The following RHOH variants were observed in gnomAD, a reference collection of about 807,000 sequenced individuals.
The protein encoded by RHOH is ras homolog family member H.
RHOH carries 6 observed loss-of-function variants against 13.8 expected under a neutral mutation model. The ratio of observed to expected loss-of-function variants is 0.44; its 90% CI spans 0.24 to 0.86. RHOH has a LOEUF of 0.86. RHOH is among the 40% of genes least tolerant of loss of function. The probability of loss-of-function intolerance (pLI) is 0.24; values close to 1 mark genes in which losing one functional copy is unlikely to be tolerated. For synonymous variants in RHOH, 117 were observed against 103.0 expected (o/e 1.14, Z -0.82); for missense variants, 147 against 244.5 (o/e 0.60, Z 2.66).
intron 1 of RHOH, among the ~76,000 whole-genome samples, chr4:40,221,977 TGGTCTGGGTAGAA>T (rs2109457781): frequency 6.6e-6 from 1 of 152,330 alleles, no homozygotes; most frequent in African/African-American, 2.4e-5. Flanking sequence ...AAAGCTTTAG[TGGTCTGGGTAGAA>T]GATCAAACCA....
chr4:40,198,258 A>T (rs958758305), intron 1 of RHOH, among the ~76,000 whole-genome samples: 1 of 152,182 alleles, frequency 6.6e-6, no homozygotes, highest in Admixed American at 6.5e-5. Flanking sequence ...GAGAAGGGGC[A>T]GGTGATTTCA....
At chr4:40,194,418 G>A (rs1722916933), upstream of RHOH, among the ~76,000 whole-genome samples, 3 of 152,010 alleles carry the variant, frequency 2.0e-5, no homozygotes, top group African/African-American at 4.8e-5. Flanking sequence ...TAGAAGAGAC[G>A]GGGTTTCACC....
chr4:40,237,064 T>G (rs1475308670), intron 1 of RHOH, among the ~76,000 whole-genome samples: 1 of 152,196 alleles, frequency 6.6e-6, no homozygotes, highest in Non-Finnish European at 1.5e-5. Flanking sequence ...TAGTGAAAAC[T>G]AGTAAGGTTT....
chr4:40,242,175 C>T (rs1729332909), intron 1 of RHOH, among the ~76,000 whole-genome samples: 1 of 152,216 alleles, frequency 6.6e-6, no homozygotes, highest in Admixed American at 6.5e-5. Context: ...GAGCTCATTG[C>T]CTGGGGCTTT....
intron 1 of RHOH, among the ~76,000 whole-genome samples, chr4:40,242,157 C>T (rs184691373): frequency 2.8e-3 from 419 of 152,334 alleles, no homozygotes; most frequent in Non-Finnish European, 4.5e-3. Flanking sequence ...GACACTGTCT[C>T]CAAGGCGGAG....
intron 1 of RHOH, among the ~76,000 whole-genome samples, chr4:40,204,762 G>A (rs1463560521): frequency 6.6e-6 from 1 of 152,232 alleles, no homozygotes; most frequent in Non-Finnish European, 1.5e-5. Flanking sequence ...GGATACAGGT[G>A]TAGTTTTATA....
In RHOH at chr4:40,209,103, A is replaced by C. The variant is rs554381786; in HGVS notation, c.-331+11803A>C. 3.2e-3 allele frequency among the ~76,000 whole-genome samples: 490 copies of C among 152,282 alleles called. 2 individuals are homozygous for C. Among genetic ancestry groups the C allele is most frequent in the African/African-American group, 0.011 (463 of 41,578 alleles). On this transcript the variant is annotated intron_variant, in intron 1 of 2. Coordinates refer to ENST00000381799, the MANE Select transcript of RHOH (RefSeq NM_004310.5). ...TCAGTTTTTGGTGTGAGGTTAATAAAGAAATTAGTTAAAATGATTCTGACA... is the reference window on the plus strand; with the variant it reads ...TCAGTTTTTGGTGTGAGGTTAATAACGAAATTAGTTAAAATGATTCTGACA...
chr4:40,223,764 CTTGTT>C, intron 1 of RHOH, among the ~76,000 whole-genome samples: 2 of 122,436 alleles, frequency 1.6e-5, no homozygotes, highest in South Asian at 2.5e-4. Flanking sequence ...GTAAACATAA[CTTGTT>C]TTTTTTTTTT....
upstream of RHOH, among the ~76,000 whole-genome samples, chr4:40,194,434 G>A (rs1386978878): frequency 6.6e-6 from 1 of 152,090 alleles, no homozygotes; most frequent in East Asian, 1.9e-4. Flanking sequence ...TCACCATGTT[G>A]GCCAGGCTGG....
At chr4:40,208,006 G>A (rs1396508973) in intron 1 of RHOH, among the ~76,000 whole-genome samples, 1 of 150,694 alleles carries the variant, frequency 6.6e-6, no homozygotes, top group African/African-American at 2.5e-5. Flanking sequence ...AAAACTAGAT[G>A]GTACAATTGT....
intron 1 of RHOH, chr4:40,200,661 A>G (rs764696257): frequency 2.0e-5 from 3 of 152,210 alleles, no homozygotes; most frequent in Non-Finnish European, 4.4e-5. Flanking sequence ...TTTTGAGTTC[A>G]TTCCTTGAGA....
At chr4:40,237,184 G>T (rs1728685352) in intron 1 of RHOH, among the ~76,000 whole-genome samples, 1 of 152,176 alleles carries the variant, frequency 6.6e-6, no homozygotes, top group Admixed American at 6.5e-5. Context: ...CGGGTAAGGT[G>T]GCTCACGCCT....
intron 1 of RHOH, among the ~76,000 whole-genome samples, chr4:40,227,149 T>G (rs1363164481): frequency 6.7e-6 from 1 of 148,726 alleles, no homozygotes; most frequent in Non-Finnish European, 1.5e-5. Context: ...AGTGAGACTC[T>G]GAAAACAAGC....
intron 1 of RHOH, among the ~76,000 whole-genome samples, chr4:40,197,957 A>G (rs1723427306): frequency 1.3e-5 from 2 of 152,224 alleles, no homozygotes; most frequent in South Asian, 2.1e-4. Flanking sequence ...GAAAGTTGCC[A>G]TTGACGTATT....
intron 1 of RHOH, among the ~76,000 whole-genome samples, chr4:40,212,211 T>C (rs16995627): frequency 0.04 from 6,144 of 152,286 alleles, 261 homozygotes; most frequent in African/African-American, 0.1. Flanking sequence ...TTATGATCAA[T>C]ATTATGAACC....
At chr4:40,227,903 T>C (rs1251326055) in intron 1 of RHOH, among the ~76,000 whole-genome samples, 3 of 152,166 alleles carry the variant, frequency 2.0e-5, no homozygotes, top group African/African-American at 7.2e-5. Flanking sequence ...TGAGAGTTGA[T>C]AGAGAGATGC....
rs1002049590 is a variant in RHOH, at chr4:40,243,197, G to T, written c.-190G>T. The T allele has an allele frequency of 6.1e-6, 3 of 491,970 alleles. No homozygotes were observed. The highest frequency in any genetic ancestry group is 2.0e-5 in the African/African-American group (1 of 50,918). The allele number at this position is 491,970 out of a possible 1,614,324, so 30.5% of individuals were successfully genotyped here. ...TTCCAGTTGAAGACTAGGCTTTGGA[G>T]GTTTTCAAAGCAGACGGTGCTTGGA... On this transcript the variant is annotated 5_prime_UTR_variant, in exon 3 of 3. In the 5' UTR this introduces an upstream ATG that the reference lacks. Transcript: ENST00000381799. This position sits in a 1 kb window ranked among gnomAD's most constrained non-coding sequence, Gnocchi z 6.2.
At chr4:40,200,169 G>T (rs111915782) in intron 1 of RHOH, among the ~76,000 whole-genome samples, 1 of 152,196 alleles carries the variant, frequency 6.6e-6, no homozygotes, top group Non-Finnish European at 1.5e-5. Flanking sequence ...ATGACCCCAG[G>T]GGGGTGGAAG....
At position 40,231,122 on chromosome 4, in the gene RHOH, C is replaced by T. The variant is rs57500323; in HGVS notation, c.-330-11592C>T. 9.1e-3 allele frequency among the ~76,000 whole-genome samples: 1,379 copies of T among 152,230 alleles called. 45 individuals carry two copies. The highest frequency in any genetic ancestry group is 0.068 in the East Asian group (353 of 5,172). On this transcript the variant is annotated intron_variant, in intron 1 of 2. Transcript: ENST00000381799. ...GGACCCAGAGACAAGCCAGTGGGCA[C>T]CACTCTAGACATTTTCACAGCTCTG...
Sources: gnomAD v4.1 joint callset for allele counts (sites outside exome capture counted in the v4.1 genomes callset) on GRCh38, gnomAD v4.1.1 for gene constraint, Gnocchi (gnomAD v3.1) non-coding constraint, MANE v1.5 for transcripts, NCBI Gene and HGNC (gene_info 2026-07-23, HGNC 2026-07-21) for gene names.